Variants in NUP54 observed in about 807,000 individuals in gnomAD.
NUP54 encodes the protein nucleoporin 54.
NUP54 carries 27 observed loss-of-function variants against 66.4 expected under a neutral mutation model. That is an observed-to-expected ratio of 0.41 (90% CI 0.30 to 0.56). The LOEUF (loss-of-function observed/expected upper bound fraction) is 0.56. NUP54 is among the 20% of genes least tolerant of loss of function. NUP54 has a pLI of 0.34. For synonymous variants in NUP54, 206 were observed against 210.7 expected (o/e 0.98, Z 0.19); for missense variants, 486 against 596.3 (o/e 0.82, Z 1.93).
chr4:76,125,646 G>T (rs1578672790), intron 8 of NUP54, among the ~76,000 whole-genome samples: 2 of 41,160 alleles, frequency 4.9e-5, no homozygotes, highest in African/African-American at 1.2e-4. Context: ...GAGGGGGAGA[G>T]GGGGAGAGGG....
At chr4:76,142,142 T>C (rs1731292494) in intron 3 of NUP54, among the ~76,000 whole-genome samples, 1 of 152,150 alleles carries the variant, frequency 6.6e-6, no homozygotes, top group Admixed American at 6.5e-5. Context: ...AAAAACCAAA[T>C]GTAACTACAG....
intron 8 of NUP54, among the ~76,000 whole-genome samples, chr4:76,125,661 AGGGG>A (rs1481856968): frequency 2.3e-4 from 5 of 21,668 alleles, no homozygotes; most frequent in African/African-American, 7.5e-4. Flanking sequence ...AGAGGGAGAG[AGGGG>A]GAGAGAGGGA....
chr4:76,129,673 G>C (rs1251949890), intron 8 of NUP54, among the ~76,000 whole-genome samples: 1 of 151,956 alleles, frequency 6.6e-6, no homozygotes, highest in Non-Finnish European at 1.5e-5. Flanking sequence ...AGACCATCCT[G>C]GTTAACACGG....
intron 1 of NUP54, among the ~76,000 whole-genome samples, chr4:76,146,827 G>C (rs991182820): frequency 6.6e-6 from 1 of 152,064 alleles, no homozygotes; most frequent in African/African-American, 2.4e-5. Flanking sequence ...TGAATGCAAA[G>C]ACGTCTAGCT....
intron 9 of NUP54, 48 bp from the exon 10 acceptor site, chr4:76,118,242 T>C (rs1370944937): frequency 1.3e-6 from 2 of 1,555,140 alleles, no homozygotes; most frequent in Admixed American, 3.3e-5. Flanking sequence ...CTCTTTTTAG[T>C]TATGCAAGTA....
chr4:76,135,036 G>T (rs1414732442), intron 4 of NUP54, among the ~76,000 whole-genome samples: 1 of 152,058 alleles, frequency 6.6e-6, no homozygotes, highest in African/African-American at 2.4e-5. Flanking sequence ...CCCATAATAA[G>T]TTGAGGAGTA....
intron 3 of NUP54, among the ~76,000 whole-genome samples, chr4:76,137,232 A>G: frequency 6.6e-6 from 1 of 152,154 alleles, no homozygotes; most frequent in East Asian, 1.9e-4. Context: ...TTCTGAGCTC[A>G]AGCGACTCTC....
chr4:76,123,151 T>C (rs1475677892), intron 9 of NUP54, among the ~76,000 whole-genome samples: 2 of 152,208 alleles, frequency 1.3e-5, no homozygotes, highest in Non-Finnish European at 2.9e-5. Flanking sequence ...TATACAAGTC[T>C]CTGAATATAC....
intron 3 of NUP54, among the ~76,000 whole-genome samples, 194 bp from the exon 4 acceptor site, chr4:76,136,606 G>C (rs577949456): frequency 6.6e-6 from 1 of 152,110 alleles, no homozygotes; most frequent in South Asian, 2.1e-4. Flanking sequence ...TGAGATAGAG[G>C]GTTATCCTGG....
At chr4:76,132,743 T>C in intron 5 of NUP54, 24 bp from the exon 6 acceptor site, 1 of 1,575,744 alleles carries the variant, frequency 6.3e-7, no homozygotes, top group Non-Finnish European at 8.7e-7. Flanking sequence ...AACCAATTTA[T>C]AAAATATGGA....
In NUP54 at chr4:76,115,409, C is replaced by T. The variant is rs981458930; in HGVS notation, c.1481G>A (p.Gly494Glu). ...DLEDIKLVEHGLNETIHIRGG... is the reference protein window; with the variant it reads ...DLEDIKLVEHELNETIHIRGG... The stretch of plus-strand genomic sequence containing the variant: ...TCTGATGTGGATGGTTTCATTCAAT[C>T]CATGTTCGACCAGCTTTATATCTTC... Residue 494 changes from glycine (G) to glutamate (E), a missense_variant, in exon 12 of 12, where the codon GGA (glycine) becomes GAA (glutamate). By Grantham distance (98) the Gly-to-Glu change is moderately conservative. Transcript: ENST00000264883. 6 of 1,610,868 alleles carry T rather than the reference C, an allele frequency of 3.7e-6. No homozygotes were observed. Among genetic ancestry groups the T allele is most frequent in the Non-Finnish European group, 5.1e-6 (6 of 1,178,750 alleles).
intron 3 of NUP54, among the ~76,000 whole-genome samples, chr4:76,138,269 A>G (rs1440998763): frequency 6.6e-6 from 1 of 152,158 alleles, no homozygotes; most frequent in Non-Finnish European, 1.5e-5. Flanking sequence ...CAACTTTTAC[A>G]TGAGATGAAT....
intron 9 of NUP54, among the ~76,000 whole-genome samples, chr4:76,118,617 C>G (rs1270449946): frequency 2.7e-5 from 4 of 146,600 alleles, no homozygotes; most frequent in African/African-American, 1.0e-4. Context: ...GTCTTGAACT[C>G]CTGGGCTTAA....
Position 76,143,245 on chromosome 4 carries a change from A to C in NUP54, c.295+904T>G, listed in dbSNP as rs562792877. Among the ~76,000 whole-genome samples the C allele has an allele frequency of 6.7e-4, 102 of 152,254 alleles. 1 individual carries two copies. Among genetic ancestry groups the C allele is most frequent in the Non-Finnish European group, 1.1e-3 (76 of 68,048 alleles). ...GTGTTAAACTATACCATAGGCGTGC[A>C]ATCAGAAAAGTCTTGACTAAAAAAC... On this transcript the variant is annotated intron_variant, in intron 3 of 11. Coordinates refer to ENST00000264883, the MANE Select transcript of NUP54 (RefSeq NM_017426.4).
chr4:76,139,127 T>G (rs1409776184), intron 3 of NUP54, among the ~76,000 whole-genome samples: 1 of 152,216 alleles, frequency 6.6e-6, no homozygotes. Context: ...AAGTTCCTTT[T>G]ACAGAAGAAA....
intron 1 of NUP54, among the ~76,000 whole-genome samples, chr4:76,146,548 C>T (rs1189125474): frequency 2.0e-5 from 3 of 152,004 alleles, no homozygotes; most frequent in African/African-American, 7.2e-5. Context: ...AGTGAATGAA[C>T]AAAATAACAA....
intron 9 of NUP54, among the ~76,000 whole-genome samples, chr4:76,124,015 ATCTT>A (rs1393403651): frequency 3.3e-5 from 5 of 151,932 alleles, no homozygotes; most frequent in Admixed American, 1.3e-4. Context: ...TTTCACATTT[ATCTT>A]TCTTTCTTTT....
chr4:76,117,577 ACTTTT>A, intron 11 of NUP54, 82 bp downstream of exon 11: 1 of 800,878 alleles, frequency 1.2e-6, no homozygotes, highest in South Asian at 1.7e-5. Context: ...TCTCACTAAC[ACTTTT>A]CTTATTAGGA....
In NUP54 at chr4:76,115,047, A is replaced by G. The variant is rs1172372378; in HGVS notation, c.*319T>C. On this transcript the variant is annotated 3_prime_UTR_variant, in exon 12 of 12. Transcript: ENST00000264883. ...AAGCAGAGTACAGGCTCAATGGACA[A>G]TAATCATTAAACACAGATTATGTTT... 5.3e-6 allele frequency: 1 copy of G among 186,982 alleles called. No homozygotes were observed. The highest frequency in any genetic ancestry group is 1.5e-4 in the East Asian group (1 of 6,578). The allele number at this position is 186,982 out of a possible 1,614,324, so 11.6% of individuals were successfully genotyped here.
Sources: gnomAD v4.1 joint callset for allele counts (sites outside exome capture counted in the v4.1 genomes callset) on GRCh38, gnomAD v4.1.1 for gene constraint, MANE v1.5 for transcripts, NCBI Gene and HGNC (gene_info 2026-07-23, HGNC 2026-07-21) for gene names.